ADGRE5: variants seen among roughly 807,000 people sequenced by gnomAD.
ADGRE5 encodes adhesion G protein-coupled receptor E5.
A neutral mutation model predicts 100.3 loss-of-function variants in ADGRE5; 72 were observed. The ratio of observed to expected loss-of-function variants is 0.72; its 90% CI spans 0.59 to 0.87. The LOEUF (loss-of-function observed/expected upper bound fraction) is 0.87. Ranked by LOEUF, ADGRE5 falls within the 40% of genes least tolerant of loss-of-function variation. ADGRE5 has a pLI of 0.00. For synonymous variants in ADGRE5, 439 were observed against 447.8 expected (o/e 0.98, Z 0.25); for missense variants, 959 against 1,094.7 (o/e 0.88, Z 1.75).
rs943207859 is a variant in ADGRE5, at chr19:14,405,684, C to T, written c.1630-64C>T. The T allele has an allele frequency of 4.8e-6, 6 of 1,253,562 alleles. No homozygotes were observed. In the African/African-American group the frequency reaches 7.5e-5, roughly 16 times the overall value. 77.7% of individuals were successfully genotyped at this position (1,253,562 alleles called of 1,614,324 possible). On this transcript the variant is annotated intron_variant, in intron 13 of 19. Transcript: ENST00000242786. The stretch of plus-strand genomic sequence containing the variant: ...GTCAAAGTGTGGGGGGGAAAAGGGA[C>T]CACAAAGAGGGCAGGAAGGCCTCAT...
chr19:14,407,834 A>C, intron 18 of ADGRE5, 74 bp from the exon 19 acceptor site: 1 of 1,257,308 alleles, frequency 8.0e-7, no homozygotes. Flanking sequence ...GGTGGGGCTG[A>C]GGGCAGAGCA....
At chr19:14,395,593 G>A (rs1327035974) in intron 4 of ADGRE5, among the ~76,000 whole-genome samples, 2 of 152,176 alleles carry the variant, frequency 1.3e-5, no homozygotes, top group African/African-American at 2.4e-5. Flanking sequence ...ACAGGCCCCC[G>A]CTCACGGCCA....
In ADGRE5 at chr19:14,390,981, G is replaced by A. The variant is rs748599054; in HGVS notation, c.248G>A (p.Trp83Ter). The A allele has an allele frequency of 6.2e-6, 10 of 1,614,194 alleles. No homozygotes were observed. Among genetic ancestry groups the A allele is most frequent in the Non-Finnish European group, 8.5e-6 (10 of 1,180,032 alleles). The change falls in exon 4 of 20, where the codon TGG becomes TAG. Residue 83 changes from tryptophan (W) to a stop codon, truncating the protein, a stop_gained. Transcript: ENST00000242786. LOFTEE classifies it high-confidence loss of function. ...TCATGCGGAAAATTCTCGGACTGCT[G>A]GAACACAGAGGGGAGCTACGACTGC... ...KVSCGKFSDC[W>*]NTEGSYDCVC...
intron 5 of ADGRE5, among the ~76,000 whole-genome samples, chr19:14,396,813 T>A (rs556969267): frequency 6.6e-6 from 1 of 152,314 alleles, no homozygotes; most frequent in East Asian, 1.9e-4. Context: ...TAGTTTTTAG[T>A]CATGGAAATC....
At position 14,388,505 on chromosome 19, in the gene ADGRE5, G is replaced by C; in HGVS notation, c.73+5G>C. 1 of 1,587,448 alleles carries C rather than the reference G, an allele frequency of 6.3e-7. No individual in the cohort carries two copies. The highest frequency in any genetic ancestry group is 8.6e-7 in the Non-Finnish European group (1 of 1,166,082). On this transcript the variant is annotated splice_donor_5th_base_variant and intron_variant, in intron 2 of 19. Transcript: ENST00000242786. ...CTGAAACCCAGGACTCCAGGGGTGA[G>C]TCTGCTGGGAAGCAGAAAGCACAGT... is the stretch of plus-strand genomic sequence containing the variant.
At chr19:14,407,328 C>A in intron 18 of ADGRE5, 99 bp downstream of exon 18, 1 of 1,352,408 alleles carries the variant, frequency 7.4e-7, no homozygotes, top group Non-Finnish European at 1.0e-6. Flanking sequence ...GGAGACCAGC[C>A]TGGGCAACAT....
At chr19:14,405,669 G>T (rs368296270) in intron 13 of ADGRE5, 79 bp from the exon 14 acceptor site, 21 of 1,052,470 alleles carry the variant, frequency 2.0e-5, no homozygotes, top group East Asian at 7.3e-5. Flanking sequence ...GTCAAAGTGT[G>T]GGGGGGAAAA....
chr19:14,408,055 G>A, intron 19 of ADGRE5, 37 bp from the exon 20 acceptor site: 1 of 1,614,124 alleles, frequency 6.2e-7, no homozygotes, highest in South Asian at 1.1e-5. Flanking sequence ...AGGCACCAGG[G>A]CTAGCGGGGC....
At chr19:14,393,199 TAA>T (rs34782681) in intron 4 of ADGRE5, among the ~76,000 whole-genome samples, 220 of 145,144 alleles carry the variant, frequency 1.5e-3, no homozygotes, top group Middle Eastern at 3.6e-3. Context: ...AGACTCCATC[TAA>T]AAAAAAAAAA....
intron 11 of ADGRE5, among the ~76,000 whole-genome samples, chr19:14,402,002 G>A (rs1400274708): frequency 6.6e-6 from 1 of 152,090 alleles, no homozygotes; most frequent in African/African-American, 2.4e-5. Context: ...GTGGTGGCAC[G>A]TGCCTGTAGT....
intron 1 of ADGRE5, among the ~76,000 whole-genome samples, chr19:14,384,614 C>T (rs780124941): frequency 7.7e-5 from 10 of 130,278 alleles, no homozygotes; most frequent in Non-Finnish European, 1.3e-4. Context: ...CATATCCCAA[C>T]GCCCTCCGTT....
intron 1 of ADGRE5, among the ~76,000 whole-genome samples, chr19:14,382,039 A>T (rs1186242150): frequency 1.3e-5 from 2 of 152,036 alleles, no homozygotes; most frequent in African/African-American, 2.4e-5. Flanking sequence ...CTCCCCGCAG[A>T]CCTGGCTGGG....
intron 4 of ADGRE5, among the ~76,000 whole-genome samples, chr19:14,395,213 A>G (rs1975731161): frequency 6.6e-6 from 1 of 152,024 alleles, no homozygotes; most frequent in South Asian, 2.1e-4. Context: ...AGGCAGGGGA[A>G]TCGCTTGAAC....
intron 1 of ADGRE5, 33 bp downstream of exon 1, chr19:14,381,578 A>G: frequency 1.3e-6 from 2 of 1,592,910 alleles, no homozygotes; most frequent in Non-Finnish European, 8.5e-7. Context: ...GGGAGGGGCG[A>G]GGAAGCTCCA....
Position 14,390,990 on chromosome 19 carries a change from A to G in ADGRE5, c.257A>G (p.Glu86Gly), listed in dbSNP as rs1975581004. 1 of 1,614,074 alleles carries G rather than the reference A, an allele frequency of 6.2e-7. No individual in the cohort carries two copies. Among genetic ancestry groups the G allele is most frequent in the Admixed American group, 1.7e-5 (1 of 59,984 alleles). ...CGKFSDCWNTEGSYDCVCSPG... is the reference protein window; with the variant it reads ...CGKFSDCWNTGGSYDCVCSPG... ...AAATTCTCGGACTGCTGGAACACAG[A>G]GGGGAGCTACGACTGCGTGTGCAGC... Residue 86 changes from glutamate (E) to glycine (G), a missense_variant, in exon 4 of 20, where the codon GAG (glutamate) becomes GGG (glycine). Physicochemically the swap from Glu to Gly is moderately conservative, Grantham distance 98. This residue lies in a region of ADGRE5 where 114 missense variants were observed against 195.7 expected (regional missense o/e 0.58). Transcript: ENST00000242786.
At chr19:14,402,974 C>A in intron 12 of ADGRE5, 112 bp downstream of exon 12, 1 of 1,040,928 alleles carries the variant, frequency 9.6e-7, no homozygotes, top group Non-Finnish European at 1.4e-6. Context: ...ATGTTTCTGG[C>A]CTTCTGATTT....
At chr19:14,398,277 A>G (rs1975861864) in intron 9 of ADGRE5, 138 bp downstream of exon 9, 1 of 714,274 alleles carries the variant, frequency 1.4e-6, no homozygotes. Flanking sequence ...CACACACCAC[A>G]TACAGTATGT....
intron 9 of ADGRE5, among the ~76,000 whole-genome samples, chr19:14,398,643 G>C (rs1243708611): frequency 8.6e-5 from 12 of 139,612 alleles, no homozygotes; most frequent in African/African-American, 1.1e-4. Flanking sequence ...CAGCTGCACT[G>C]CAGCCTGGGC....
chr19:14,406,869 T>G lies in ADGRE5; in HGVS notation c.2116T>G (p.Cys706Gly), dbSNP rs761557385. 3.7e-6 allele frequency: 6 copies of G among 1,613,894 alleles called. No individual in the cohort carries two copies. The highest frequency in any genetic ancestry group is 5.1e-6 in the Non-Finnish European group (6 of 1,179,868). Reference protein sequence around the residue: ...FLGPVTFIILCNAVIFVTTVW... With the variant: ...FLGPVTFIILGNAVIFVTTVW... ...AACCCACAATCTGCTCCCTGCCCAG[T>G]GCAATGCTGTCATTTTCGTGACTAC... Residue 706 changes from cysteine to glycine, a missense_variant and splice_region_variant, in exon 17 of 20, where the codon TGC becomes GGC. This residue lies in a region of ADGRE5 where 428 missense variants were observed against 386.2 expected (regional missense o/e 1.11). Coordinates refer to ENST00000242786, the MANE Select transcript of ADGRE5 (RefSeq NM_078481.4). This position sits in a 1 kb window ranked among gnomAD's most constrained non-coding sequence, Gnocchi z 6.0.
Sources: gnomAD v4.1 joint callset for allele counts (sites outside exome capture counted in the v4.1 genomes callset) on GRCh38, gnomAD v4.1.1 for gene constraint, gnomAD v4.1.1 regional missense constraint, Gnocchi (gnomAD v3.1) non-coding constraint, MANE v1.5 for transcripts, NCBI Gene and HGNC (gene_info 2026-07-23, HGNC 2026-07-21) for gene names.